INTS6: variants seen among roughly 807,000 people sequenced by gnomAD.
INTS6 encodes the protein integrator complex subunit 6.
A neutral mutation model predicts 104.9 loss-of-function variants in INTS6; 16 were observed. That is an observed-to-expected ratio of 0.15 (90% CI 0.10 to 0.23). INTS6 has a LOEUF of 0.23. Ranked by LOEUF, INTS6 falls within the 10% of genes least tolerant of loss-of-function variation. The pLI is 1.00. For synonymous variants in INTS6, 324 were observed against 358.7 expected, an observed-to-expected ratio of 0.90 and a Z score of 1.09; for missense variants, 584 against 1,062.8, an observed-to-expected ratio of 0.55 and a Z score of 6.26.
At chr13:51,355,468 C>A (rs2137806625) in intron 3 of INTS6, among the ~76,000 whole-genome samples, 1 of 152,282 alleles carries the variant, frequency 6.6e-6, no homozygotes, top group East Asian at 1.9e-4. Flanking sequence ...GCAATAGATT[C>A]TTCATTATGA....
At chr13:51,336,382 G>A in the INTS6 span, among the ~76,000 whole-genome samples, 2 of 152,122 alleles carry the variant, frequency 1.3e-5, no homozygotes, top group African/African-American at 4.8e-5. Context: ...AGCTACTCGC[G>A]AGGCTGAGGC....
At chr13:51,430,469 C>CTCA in intron 3 of INTS6, 86 bp from the exon 4 acceptor site, 1 of 901,150 alleles carries the variant, frequency 1.1e-6, no homozygotes, top group Admixed American at 2.2e-5. Flanking sequence ...AGCATATATA[C>CTCA]GATCTCCCTT....
At chr13:51,393,479 TG>T (rs1956281987) in intron 5 of INTS6, among the ~76,000 whole-genome samples, 1 of 152,210 alleles carries the variant, frequency 6.6e-6, no homozygotes. Context: ...TCTACTTTTC[TG>T]GTGTTCCCCA....
chr13:51,372,157 C>T (rs897432769), intron 15 of INTS6, among the ~76,000 whole-genome samples: 2 of 152,110 alleles, frequency 1.3e-5, no homozygotes, highest in African/African-American at 4.8e-5. Context: ...CTTAACTGGT[C>T]GTTTATACTC....
chr13:51,416,266 C>G (rs570225425), intron 4 of INTS6, among the ~76,000 whole-genome samples: 3 of 152,268 alleles, frequency 2.0e-5, no homozygotes, highest in Non-Finnish European at 4.4e-5. Context: ...ACAAGTTCTT[C>G]TATTTGTTTC....
In INTS6 at chr13:51,397,066, T is replaced by C. The variant is rs1321756436; in HGVS notation, c.430-1583A>G. Among the ~76,000 whole-genome samples the C allele has an allele frequency of 2.6e-5, 4 of 152,322 alleles. 1 individual carries two copies. In the South Asian group the frequency reaches 6.2e-4, roughly 24 times the overall value. On this transcript the variant is annotated intron_variant, in intron 4 of 17. Transcript: ENST00000311234. ...GAGTATATTTTTATACAAAACATGC[T>C]TTAAAATGATCACTTCTAAATTAAT... is the stretch of plus-strand genomic sequence containing the variant.
rs1566198633 is a variant in INTS6 at position 51,362,181 on chromosome 13, G to C, written c.*3571C>G. 2.8e-6 allele frequency: 2 copies of C among 715,216 alleles called. No homozygotes were observed. Among genetic ancestry groups the C allele is most frequent in the South Asian group, 3.1e-5 (1 of 32,308 alleles). The allele number at this position is 715,216 out of a possible 1,614,324, so 44.3% of individuals were successfully genotyped here. A position where few individuals can be genotyped will look rare whatever the true frequency, so the allele number is the denominator to read the frequency against. On this transcript the variant is annotated 3_prime_UTR_variant, in exon 18 of 18. Transcript: ENST00000311234. Reference sequence around the variant, plus strand: ...TAGGTTTCTACTTCTGAAGACACTTGGAAAAATCATGAAAGTAAAATAAAT... The same window carrying C: ...TAGGTTTCTACTTCTGAAGACACTTCGAAAAATCATGAAAGTAAAATAAAT...
downstream of INTS6, among the ~76,000 whole-genome samples, chr13:51,349,506 C>T (rs1328155420): frequency 2.6e-5 from 4 of 152,184 alleles, no homozygotes; most frequent in African/African-American, 4.8e-5. Flanking sequence ...GAGAGAAACT[C>T]AGCAAGGGAA....
chr13:51,338,354 T>G, the INTS6 span, among the ~76,000 whole-genome samples: 1 of 152,218 alleles, frequency 6.6e-6, no homozygotes, highest in Non-Finnish European at 1.5e-5. Flanking sequence ...TGAGCCCAGG[T>G]TACTGGTTCA....
chr13:51,429,556 G>A (rs1444504343), intron 4 of INTS6, among the ~76,000 whole-genome samples: 3 of 151,626 alleles, frequency 2.0e-5, no homozygotes, highest in South Asian at 2.1e-4. Flanking sequence ...CTGAGGTCAG[G>A]AGTTCGAGAC....
At chr13:51,348,880 A>G in the INTS6 span, among the ~76,000 whole-genome samples, 1 of 61,952 alleles carries the variant, frequency 1.6e-5, no homozygotes, top group Non-Finnish European at 2.8e-5. Flanking sequence ...TCAGACGCCA[A>G]ATTAAGGCAT....
In INTS6 at chr13:51,387,555, T is replaced by A. The variant is rs1404696802; in HGVS notation, c.740-15A>T. The A allele has an allele frequency of 5.6e-6, 9 of 1,597,968 alleles. No individual in the cohort carries two copies. Among genetic ancestry groups the A allele is most frequent in the Non-Finnish European group, 7.7e-6 (9 of 1,172,060 alleles). On this transcript the variant is annotated splice_polypyrimidine_tract_variant and intron_variant, in intron 6 of 17. Transcript: ENST00000311234. ...TGGCTGCCCATCTATAGCAAAGAAA[T>A]TAAGACAAAGAAAGCATATATCATA...
At chr13:51,344,418 A>G in the INTS6 span, 4 of 1,610,174 alleles carry the variant, frequency 2.5e-6, no homozygotes, top group Non-Finnish European at 3.4e-6. Context: ...GCCTGGAACC[A>G]GCCGACCTCA....
chr13:51,401,860 C>T (rs1377295744), intron 4 of INTS6, among the ~76,000 whole-genome samples: 2 of 151,858 alleles, frequency 1.3e-5, no homozygotes, highest in Non-Finnish European at 2.9e-5. Flanking sequence ...GAAATATAAT[C>T]TGCATTTTTA....
intron 15 of INTS6, among the ~76,000 whole-genome samples, chr13:51,372,264 G>A (rs1337297123): frequency 6.7e-6 from 1 of 149,706 alleles, no homozygotes; most frequent in African/African-American, 2.5e-5. Flanking sequence ...TGCTAAGATC[G>A]CCAAAGACCA....
chr13:51,373,290 A>G (rs1955851045), intron 15 of INTS6, among the ~76,000 whole-genome samples: 1 of 152,070 alleles, frequency 6.6e-6, no homozygotes, highest in African/African-American at 2.4e-5. Context: ...CCTTCAGTTA[A>G]CATGCTGTAA....
intron 3 of INTS6, chr13:51,450,043 CA>C (rs1953002730): frequency 1.0e-6 from 1 of 984,762 alleles, no homozygotes; most frequent in African/African-American, 1.7e-5. Context: ...CAATAGGAAG[CA>C]AATAAAAGTT....
At chr13:51,429,953 AG>A (rs1957062152) in intron 4 of INTS6, among the ~76,000 whole-genome samples, 1 of 151,762 alleles carries the variant, frequency 6.6e-6, no homozygotes, top group South Asian at 2.1e-4. Flanking sequence ...ACTGAAATAT[AG>A]GAAGAAATTA....
the INTS6 span, among the ~76,000 whole-genome samples, chr13:51,345,724 C>T: frequency 6.6e-6 from 1 of 151,634 alleles, no homozygotes; most frequent in Non-Finnish European, 1.5e-5. Flanking sequence ...TGATAAAGTT[C>T]TCTCTCATGC....
Sources: gnomAD v4.1 joint callset for allele counts (sites outside exome capture counted in the v4.1 genomes callset) on GRCh38, gnomAD v4.1.1 for gene constraint, MANE v1.5 for transcripts, NCBI Gene and HGNC (gene_info 2026-07-23, HGNC 2026-07-21) for gene names.